MAGEC3: variants seen among roughly 807,000 people sequenced by gnomAD.
The protein encoded by MAGEC3 is MAGE family member C3.
Under a neutral mutation model 35.3 loss-of-function variants are expected in MAGEC3, and 34 were observed. That is an observed-to-expected ratio of 0.96 (90% CI 0.73 to 1.28). The LOEUF (loss-of-function observed/expected upper bound fraction) is 1.28, where lower values mean the gene tolerates loss of function less well. Among genes scored for constraint, MAGEC3 ranks in the 50% most tolerant of loss-of-function variants. The pLI is 0.00. For missense variants in MAGEC3, 561 were observed against 483.6 expected (o/e 1.16, Z -1.50); for synonymous variants, 202 against 185.6 (o/e 1.09, Z -0.72).
At chrX:141,860,978 A>G (rs1051926358) in intron 1 of MAGEC3, among the ~76,000 whole-genome samples, 3 of 111,800 alleles carry the variant, frequency 2.7e-5, no homozygotes, top group Non-Finnish European at 5.6e-5. Context: ...GACCATTTGT[A>G]ATAGTAAAAT....
intron 3 of MAGEC3, chrX:141,881,000 C>G: frequency 2.0e-6 from 1 of 498,979 alleles, no homozygotes; most frequent in South Asian, 3.2e-5. Flanking sequence ...TGAAATGTTC[C>G]TAGCGGCAAC....
chrX:141,841,274 G>A (rs1201594430), intron 1 of MAGEC3, among the ~76,000 whole-genome samples: 1 of 111,465 alleles, frequency 9.0e-6, no homozygotes, highest in Admixed American at 9.6e-5. Flanking sequence ...GATATTTCAG[G>A]TCTCCAAACA....
Position 141,879,401 on chromosome X carries a change from G to A in MAGEC3, c.485G>A (p.Gly162Glu), listed in dbSNP as rs944047374. 7 of 1,181,904 alleles carry A rather than the reference G, an allele frequency of 5.9e-6. No individual in the cohort carries two copies. The highest frequency in any genetic ancestry group is 6.8e-6 in the Non-Finnish European group (6 of 880,880). ...YTLSLPAVSP[G>E]KRLWGEKAGS... ...CTTTCCCTTCCTGCCGTCAGCCCTG[G>A]AAAAAGGTTGTGGGGGGAGAAAGCG... is the stretch of plus-strand genomic sequence containing the variant. Residue 162 changes from glycine to glutamate, a missense_variant, in exon 3 of 8, where the codon GGA (glycine) becomes GAA (glutamate). Gly to Glu is a moderately conservative substitution (Grantham distance 98, BLOSUM62 -2). Coordinates refer to ENST00000298296, the MANE Select transcript of MAGEC3 (RefSeq NM_138702.1).
chrX:141,895,143 C>T, intron 4 of MAGEC3, 126 bp from the exon 5 acceptor site: 1 of 763,780 alleles, frequency 1.3e-6, no homozygotes, highest in South Asian at 2.5e-5. Context: ...GGTCGGGGGG[C>T]GCTGAGGAGG....
intron 1 of MAGEC3, among the ~76,000 whole-genome samples, chrX:141,856,608 T>C (rs1028393059): frequency 9.0e-6 from 1 of 111,669 alleles, no homozygotes; most frequent in Non-Finnish European, 1.9e-5. Flanking sequence ...AAGATTCTCA[T>C]GTTCATTGCA....
chrX:141,849,453 C>CTTCTGCACAG (rs2017737077), intron 1 of MAGEC3, among the ~76,000 whole-genome samples: 1 of 110,350 alleles, frequency 9.1e-6, no homozygotes, highest in Non-Finnish European at 1.9e-5. Context: ...AATTAAAGAG[C>CTTCTGCACAG]CAAACAGAGT....
chrX:141,846,520 G>A (rs2017717804), intron 1 of MAGEC3, among the ~76,000 whole-genome samples: 1 of 110,475 alleles, frequency 9.1e-6, no homozygotes, highest in Admixed American at 9.7e-5. Flanking sequence ...AGACAAAGAC[G>A]CTACCTATGT....
intron 1 of MAGEC3, among the ~76,000 whole-genome samples, chrX:141,856,010 T>G (rs1044705646): frequency 1.8e-5 from 2 of 111,417 alleles, no homozygotes; most frequent in Non-Finnish European, 3.8e-5. Context: ...TTCATCATAG[T>G]ACCCAAGAAA....
At chrX:141,839,710 A>G (rs185228908) in intron 1 of MAGEC3, 2 of 743,363 alleles carry the variant, frequency 2.7e-6, no homozygotes, top group Admixed American at 1.8e-4. Flanking sequence ...GCTTTTTAAT[A>G]TCTTTATATC....
intron 1 of MAGEC3, among the ~76,000 whole-genome samples, chrX:141,856,350 G>A (rs919972868): frequency 2.7e-5 from 3 of 110,970 alleles, no homozygotes; most frequent in Non-Finnish European, 5.7e-5. Flanking sequence ...GCTTTAAAAA[G>A]TTTCCTAACA....
chrX:141,888,876 T>C (rs1442415389), intron 4 of MAGEC3, among the ~76,000 whole-genome samples: 2 of 112,354 alleles, frequency 1.8e-5, no homozygotes, highest in Non-Finnish European at 3.8e-5. Flanking sequence ...TTGATTATAT[T>C]GGACCTCTTC....
At position 141,897,460 on chromosome X, in the gene MAGEC3, A is replaced by T. The variant is rs368025755; in HGVS notation, c.1702A>T (p.Ile568Phe). Reference sequence around the variant, plus strand: ...GGGCAGCTGTGTCCCCGAGGAGGTCATCTGGGAAGTGTTGAGTGCAATAGG... The same window carrying T: ...GGGCAGCTGTGTCCCCGAGGAGGTCTTCTGGGAAGTGTTGAGTGCAATAGG... ...IKGSCVPEEV[I>F]WEVLSAIGPI... The change falls in exon 7 of 8, where the codon ATC (isoleucine) becomes TTC (phenylalanine). Residue 568 changes from isoleucine to phenylalanine, a missense_variant. Coordinates refer to ENST00000298296, the MANE Select transcript of MAGEC3 (RefSeq NM_138702.1). The T allele has an allele frequency of 6.3e-5, 76 of 1,207,504 alleles. No individual in the cohort carries two copies. Among genetic ancestry groups the T allele is most frequent in the Non-Finnish European group, 8.1e-5 (72 of 894,104 alleles).
chrX:141,895,534 G>C lies in MAGEC3; in HGVS notation c.1098G>C (p.Ala366=), dbSNP rs765969379. ...QEDGRRGLTE[A]SPQQKKGGED... is the part of the protein sequence containing the mutation. The stretch of plus-strand genomic sequence containing the variant: ...ATGGCCGCCGAGGGCTGACCGAGGC[G>C]TCCCCACAACAGAAGAAGGGAGGAG... The change falls in exon 6 of 8, where the codon GCG becomes GCC. Residue 366 remains alanine (A), a synonymous_variant. Transcript: ENST00000298296. 3.5e-5 allele frequency: 42 copies of C among 1,208,271 alleles called. No individual in the cohort carries two copies. The highest frequency in any genetic ancestry group is 3.8e-5 in the Non-Finnish European group (34 of 893,507).
At chrX:141,874,274 G>A (rs1274316733) in intron 2 of MAGEC3, among the ~76,000 whole-genome samples, 1 of 111,688 alleles carries the variant, frequency 9.0e-6, no homozygotes, top group South Asian at 3.7e-4. Context: ...ACACATAGAA[G>A]ATACCACAGG....
intron 4 of MAGEC3, among the ~76,000 whole-genome samples, chrX:141,892,425 A>G (rs1490794316): frequency 8.9e-6 from 1 of 111,807 alleles, no homozygotes; most frequent in Admixed American, 9.5e-5. Context: ...AAATTCTGGG[A>G]CAAGTACATA....
At chrX:141,851,504 G>A (rs773939331) in intron 1 of MAGEC3, among the ~76,000 whole-genome samples, 1 of 110,300 alleles carries the variant, frequency 9.1e-6, no homozygotes, top group Non-Finnish European at 1.9e-5. Flanking sequence ...GATTTTATTT[G>A]TATATCATAA....
At chrX:141,891,430 T>C (rs12013871) in intron 4 of MAGEC3, among the ~76,000 whole-genome samples, 3,588 of 110,755 alleles carry the variant, frequency 0.032, 171 homozygotes, top group African/African-American at 0.11. Flanking sequence ...TTTATCTGAC[T>C]ATTACACTGC....
intron 2 of MAGEC3, among the ~76,000 whole-genome samples, chrX:141,872,701 C>A (rs909962281): frequency 9.0e-6 from 1 of 110,807 alleles, no homozygotes; most frequent in African/African-American, 3.3e-5. Context: ...GAGAGAAAGA[C>A]GGAGGAAGAA....
chrX:141,863,289 G>A (rs2017826715), intron 1 of MAGEC3, among the ~76,000 whole-genome samples: 1 of 111,038 alleles, frequency 9.0e-6, no homozygotes, highest in Non-Finnish European at 1.9e-5. Context: ...ACAATGCAAG[G>A]ATAAGTTGTT....
Sources: allele counts gnomAD v4.1 joint callset (sites outside exome capture counted in the v4.1 genomes callset), GRCh38; gene constraint gnomAD v4.1.1; transcripts MANE v1.5; gene names NCBI Gene and HGNC (gene_info 2026-07-23, HGNC 2026-07-21).